MACROD2: variants seen among roughly 807,000 people sequenced by gnomAD.
MACROD2 encodes ADP-ribose glycohydrolase MACROD2.
A neutral mutation model predicts 70.4 loss-of-function variants in MACROD2; 36 were observed. That is an observed-to-expected ratio of 0.51 (90% CI 0.39 to 0.68). The LOEUF is 0.68. MACROD2 is among the 30% of genes least tolerant of loss of function. The probability of loss-of-function intolerance (pLI) is 0.00; values close to 1 mark genes in which losing one functional copy is unlikely to be tolerated. For missense variants in MACROD2, 496 were observed against 538.4 expected, an observed-to-expected ratio of 0.92 and a Z score of 0.78; for synonymous variants, 172 against 178.8, an observed-to-expected ratio of 0.96 and a Z score of 0.30.
At chr20:16,015,691 A>G (rs1474608051) in intron 15 of MACROD2, among the ~76,000 whole-genome samples, 1 of 152,132 alleles carries the variant, frequency 6.6e-6, no homozygotes, top group African/African-American at 2.4e-5. Context: ...TCATTTATAT[A>G]AACTTTTAAT....
chr20:14,775,715 G>A (rs1055569277), intron 5 of MACROD2, among the ~76,000 whole-genome samples: 1 of 151,992 alleles, frequency 6.6e-6, no homozygotes, highest in African/African-American at 2.4e-5. Context: ...AGGTCTGCCT[G>A]TCTCTAGAGA....
At chr20:15,791,634 C>A (rs1239696009) in intron 8 of MACROD2, among the ~76,000 whole-genome samples, 1 of 151,730 alleles carries the variant, frequency 6.6e-6, no homozygotes, top group Non-Finnish European at 1.5e-5. Context: ...TTGTAAACAA[C>A]CCAAAGCAGT....
chr20:14,678,286 A>G lies in MACROD2; in HGVS notation c.302-6557A>G, dbSNP rs529226183. On this transcript the variant is annotated intron_variant, in intron 4 of 17. Coordinates refer to ENST00000684519, the MANE Select transcript of MACROD2 (RefSeq NM_001351661.2). ...CTTTTACTCATACTCTTTAAACAGG[A>G]CTCAGTCTCACAACCCCCTAAAATT... Among the ~76,000 whole-genome samples, 5 of 152,256 alleles carry G rather than the reference A, an allele frequency of 3.3e-5. No homozygotes were observed. The South Asian group carries it at 8.3e-4, about 25-fold the overall frequency.
At chr20:14,520,156 C>A (rs2085149988) in intron 4 of MACROD2, among the ~76,000 whole-genome samples, 1 of 152,070 alleles carries the variant, frequency 6.6e-6, no homozygotes, top group Admixed American at 6.6e-5. Flanking sequence ...GTACAGCAAA[C>A]CCTGTGACAT....
chr20:14,394,611 A>G (rs1379516553), intron 3 of MACROD2, among the ~76,000 whole-genome samples: 1 of 152,188 alleles, frequency 6.6e-6, no homozygotes, highest in Non-Finnish European at 1.5e-5. Flanking sequence ...CACAATGGCT[A>G]GAGCTCCCCA....
chr20:15,315,441 G>A (rs1251175171), intron 6 of MACROD2, among the ~76,000 whole-genome samples: 1 of 152,120 alleles, frequency 6.6e-6, no homozygotes, highest in African/African-American at 2.4e-5. Context: ...ACTCTGAAAA[G>A]CAACAAGGGA....
At position 15,514,480 on chromosome 20, in the gene MACROD2, G is replaced by A. The variant is rs2047541241; in HGVS notation, c.645+14633G>A. ...ACAATATGGAGAAAAGCAACATGCT[G>A]TACAGGCTTGTAGCTTAGGAGCAAT... On this transcript the variant is annotated intron_variant, in intron 8 of 17. Transcript: ENST00000684519. Among the ~76,000 whole-genome samples, 3 of 152,210 alleles carry A rather than the reference G, an allele frequency of 2.0e-5. No individual in the cohort carries two copies. The South Asian group carries it at 6.2e-4, about 32-fold the overall frequency.
intron 8 of MACROD2, among the ~76,000 whole-genome samples, chr20:15,828,630 C>T (rs573290817): frequency 2.0e-5 from 3 of 152,194 alleles, no homozygotes; most frequent in African/African-American, 7.2e-5. Context: ...TTTTACTGTC[C>T]TATGTGGCAA....
At chr20:14,077,156 G>T (rs1163796473) in intron 2 of MACROD2, among the ~76,000 whole-genome samples, 1 of 3,826 alleles carries the variant, frequency 2.6e-4, no homozygotes, top group Non-Finnish European at 9.6e-4. Context: ...TGCAACCTTA[G>T]ACTTACATTA....
In MACROD2 at chr20:15,674,109, C is replaced by T. The variant is rs73242439; in HGVS notation, c.645+174262C>T. Reference sequence around the variant, plus strand: ...ATTTGGTGTTGGGGTGGTGGTTCTGCGTTTCTAACAATCTCAGAAGTGGCT... The same window carrying T: ...ATTTGGTGTTGGGGTGGTGGTTCTGTGTTTCTAACAATCTCAGAAGTGGCT... On this transcript the variant is annotated intron_variant, in intron 8 of 17. Coordinates refer to ENST00000684519, the MANE Select transcript of MACROD2 (RefSeq NM_001351661.2). Among the ~76,000 whole-genome samples the T allele has an allele frequency of 6.2e-3, 941 of 152,210 alleles. 9 individuals carry two copies. Among genetic ancestry groups the T allele is most frequent in the African/African-American group, 0.022 (899 of 41,514 alleles).
intron 5 of MACROD2, among the ~76,000 whole-genome samples, chr20:15,176,453 T>C (rs1026550778): frequency 6.6e-6 from 1 of 152,062 alleles, no homozygotes; most frequent in Non-Finnish European, 1.5e-5. Context: ...CTTCCTCCCT[T>C]ATGAGCCCAT....
intron 4 of MACROD2, among the ~76,000 whole-genome samples, chr20:14,660,977 G>A (rs1986197923): frequency 6.6e-6 from 1 of 151,972 alleles, no homozygotes; most frequent in African/African-American, 2.4e-5. Flanking sequence ...GGTTGATTCT[G>A]TCTTTGCTAT....
intron 3 of MACROD2, among the ~76,000 whole-genome samples, chr20:14,187,957 A>G (rs1299619940): frequency 6.6e-6 from 1 of 152,180 alleles, no homozygotes; most frequent in Non-Finnish European, 1.5e-5. Flanking sequence ...GAGGAGGTTC[A>G]GATTCAGACT....
intron 3 of MACROD2, among the ~76,000 whole-genome samples, chr20:14,183,862 T>A (rs935842603): frequency 6.6e-6 from 1 of 152,136 alleles, no homozygotes; most frequent in African/African-American, 2.4e-5. Flanking sequence ...TCATTTCCTT[T>A]GCCCTCTTTG....
intron 5 of MACROD2, among the ~76,000 whole-genome samples, chr20:14,861,981 ATATATATATATT>A (rs1357772323): frequency 1.6e-3 from 79 of 49,686 alleles, no homozygotes; most frequent in African/African-American, 5.5e-3. Flanking sequence ...ATATAAATAT[ATATATATATATT>A]TATATATATA....
intron 4 of MACROD2, among the ~76,000 whole-genome samples, chr20:14,517,336 C>T (rs2085112560): frequency 6.6e-6 from 1 of 152,120 alleles, no homozygotes; most frequent in South Asian, 2.1e-4. Context: ...GGCACATATA[C>T]ACCATGGAAT....
chr20:14,169,771 A>G (rs541054001), intron 3 of MACROD2, among the ~76,000 whole-genome samples: 2 of 152,204 alleles, frequency 1.3e-5, no homozygotes, highest in South Asian at 2.1e-4. Flanking sequence ...CATTGAATAC[A>G]TTGTTCCTAT....
At chr20:15,862,909 C>T in intron 9 of MACROD2, 83 bp downstream of exon 9, 1 of 1,020,618 alleles carries the variant, frequency 9.8e-7, no homozygotes, top group Non-Finnish European at 1.5e-6. Context: ...TGTTTTTCAT[C>T]TTCAGGACTG....
At chr20:15,352,310 G>A (rs2078236518) in intron 6 of MACROD2, among the ~76,000 whole-genome samples, 1 of 152,054 alleles carries the variant, frequency 6.6e-6, no homozygotes, top group East Asian at 1.9e-4. Context: ...AAGTGTGAGG[G>A]TTTTCTCATT....
Sources: gnomAD v4.1 joint callset for allele counts (sites outside exome capture counted in the v4.1 genomes callset) on GRCh38, gnomAD v4.1.1 for gene constraint, MANE v1.5 for transcripts, NCBI Gene and HGNC (gene_info 2026-07-23, HGNC 2026-07-21) for gene names.